The following MBNL1 variants were observed in gnomAD, a reference collection of about 807,000 sequenced individuals.
MBNL1 encodes muscleblind-like protein 1.
In MBNL1, 8 loss-of-function variants were observed where a neutral mutation model predicts 42.2. The ratio of observed to expected loss-of-function variants is 0.19; its 90% CI spans 0.11 to 0.34. MBNL1 has a LOEUF of 0.34. Ranked by LOEUF, MBNL1 falls within the 10% of genes least tolerant of loss-of-function variation. The probability of loss-of-function intolerance (pLI) is 1.00; values close to 1 mark genes in which losing one functional copy is unlikely to be tolerated. For missense variants in MBNL1, 309 were observed against 495.3 expected (o/e 0.62, Z 3.57); for synonymous variants, 169 against 173.9 (o/e 0.97, Z 0.22).
At chr3:152,397,693 A>G (rs2098032749) in intron 2 of MBNL1, among the ~76,000 whole-genome samples, 1 of 152,156 alleles carries the variant, frequency 6.6e-6, no homozygotes, top group Admixed American at 6.6e-5. Flanking sequence ...AATCTTCTTT[A>G]ATCTTTCCTT....
intron 2 of MBNL1, among the ~76,000 whole-genome samples, chr3:152,317,115 C>A (rs550043610): frequency 6.6e-6 from 1 of 151,908 alleles, no homozygotes; most frequent in Non-Finnish European, 1.5e-5. Flanking sequence ...CTTGATGGTA[C>A]CTTGGTTGTA....
chr3:152,291,183 C>G (rs1294686202), intron 1 of MBNL1, among the ~76,000 whole-genome samples: 1 of 152,050 alleles, frequency 6.6e-6, no homozygotes, highest in African/African-American at 2.4e-5. Flanking sequence ...CTCATTATAC[C>G]TTCTTGTAGA....
chr3:152,307,932 G>A (rs1257403207), intron 2 of MBNL1, among the ~76,000 whole-genome samples: 1 of 152,124 alleles, frequency 6.6e-6, no homozygotes, highest in East Asian at 1.9e-4. Context: ...AAAGAATGCT[G>A]CCACCAACTT....
At chr3:152,259,648 G>T (rs2035947906) in intron 2 of MBNL1, among the ~76,000 whole-genome samples, 1 of 152,190 alleles carries the variant, frequency 6.6e-6, no homozygotes, top group Admixed American at 6.5e-5. Flanking sequence ...CAAGAGCATA[G>T]TACTAATGAT....
rs1225495457 is a variant in MBNL1 at position 152,462,995 on chromosome 3, G to A, written c.*629G>A. On this transcript the variant is annotated 3_prime_UTR_variant, in exon 10 of 10. Coordinates refer to ENST00000324210, the MANE Select transcript of MBNL1 (RefSeq NM_021038.5). ...TGTGTATATTTTAAAGCACATCATG[G>A]CTTTAAGTACCATGTTGTTAAGGAT... 6.6e-6 allele frequency: 1 copy of A among 152,438 alleles called. No individual in the cohort carries two copies. The highest frequency in any genetic ancestry group is 1.5e-5 in the Non-Finnish European group (1 of 67,950). The allele number at this position is 152,438 out of a possible 1,614,324, so 9.4% of individuals were successfully genotyped here.
chr3:152,323,306 T>C lies in MBNL1; in HGVS notation c.174+22939T>C, dbSNP rs113033074. On this transcript the variant is annotated intron_variant, in intron 2 of 9. Coordinates refer to ENST00000324210, the MANE Select transcript of MBNL1 (RefSeq NM_021038.5). ...TATAAAATTCATTTAACTAGACTTA[T>C]TCATTCAACAATATTGTTAAATAAC... Among the ~76,000 whole-genome samples the C allele has an allele frequency of 5.7e-3, 875 of 152,220 alleles. 7 individuals carry two copies. Among genetic ancestry groups the C allele is most frequent in the Non-Finnish European group, 8.5e-3 (581 of 67,960 alleles).
chr3:152,247,809 G>GA (rs1298897832), intron 2 of MBNL1, among the ~76,000 whole-genome samples: 1 of 151,408 alleles, frequency 6.6e-6, no homozygotes, highest in Admixed American at 6.6e-5. Context: ...TATTATGGGG[G>GA]AAAATACCAG....
At chr3:152,356,948 T>C (rs1578580894) in intron 2 of MBNL1, among the ~76,000 whole-genome samples, 2 of 151,988 alleles carry the variant, frequency 1.3e-5, no homozygotes, top group South Asian at 4.2e-4. Flanking sequence ...ACCATACTTA[T>C]AATATCAAAT....
chr3:152,425,187 A>C (rs973359816), intron 3 of MBNL1, among the ~76,000 whole-genome samples: 1 of 152,136 alleles, frequency 6.6e-6, no homozygotes, highest in South Asian at 2.1e-4. Flanking sequence ...TCCAGAATCT[A>C]CAAATAACTT....
chr3:152,254,639 C>A (rs1413994845), intron 2 of MBNL1, among the ~76,000 whole-genome samples: 1 of 151,846 alleles, frequency 6.6e-6, no homozygotes, highest in Non-Finnish European at 1.5e-5. Flanking sequence ...TCTTGTACAT[C>A]CAAAATATCA....
chr3:152,455,567 T>C lies in MBNL1; in HGVS notation c.987T>C (p.Ala329=). The C allele has an allele frequency of 3.1e-6, 5 of 1,613,702 alleles. No homozygotes were observed. Among genetic ancestry groups the C allele is most frequent in the Non-Finnish European group, 8.5e-7 (1 of 1,179,660 alleles). ...GCTCAATATTGTGCATGACACCCGCTACAAGTGTTGGTAGGTGCCAGCTTT... is the reference window on the plus strand; with the variant it reads ...GCTCAATATTGTGCATGACACCCGCCACAAGTGTTGGTAGGTGCCAGCTTT... ...PPGSILCMTP[A]TSVVPMVHGA... The change falls in exon 7 of 10, where the codon GCT becomes GCC. Residue 329 remains alanine, a synonymous_variant. Transcript: ENST00000324210.
At chr3:152,334,944 C>A (rs896905438) in intron 2 of MBNL1, among the ~76,000 whole-genome samples, 1 of 152,106 alleles carries the variant, frequency 6.6e-6, no homozygotes, top group Non-Finnish European at 1.5e-5. Flanking sequence ...AAGGTGCAGA[C>A]GTACGGGCAA....
intron 4 of MBNL1, among the ~76,000 whole-genome samples, chr3:152,443,184 C>A (rs944963829): frequency 2.0e-4 from 28 of 142,360 alleles, no homozygotes; most frequent in East Asian, 4.1e-4. Flanking sequence ...GTAGAAACCC[C>A]CCCCCCCACA....
At chr3:152,433,057 T>G in intron 4 of MBNL1, 137 bp downstream of exon 4, 1 of 677,356 alleles carries the variant, frequency 1.5e-6, no homozygotes, top group Non-Finnish European at 2.5e-6. Flanking sequence ...TTGGAACATT[T>G]TACTAGAGTA....
chr3:152,342,311 T>TCC (rs2093420483), intron 2 of MBNL1, among the ~76,000 whole-genome samples: 1 of 152,166 alleles, frequency 6.6e-6, no homozygotes, highest in Admixed American at 6.6e-5. Flanking sequence ...ATTTGACCTA[T>TCC]CCTCTCTCAG....
chr3:152,358,011 G>A (rs561506451), intron 2 of MBNL1, among the ~76,000 whole-genome samples: 6 of 152,274 alleles, frequency 3.9e-5, no homozygotes, highest in South Asian at 4.1e-4. Context: ...GTGTGTGTGC[G>A]CACGCACGTG....
chr3:152,261,626 T>C (rs769887016), intron 2 of MBNL1, among the ~76,000 whole-genome samples: 1 of 151,890 alleles, frequency 6.6e-6, no homozygotes, highest in East Asian at 1.9e-4. Flanking sequence ...AGAGAGAGAG[T>C]TGCAAGGCCA....
At chr3:152,456,220 T>G (rs748620344) in intron 7 of MBNL1, 47 bp from the exon 8 acceptor site, 3 of 1,304,510 alleles carry the variant, frequency 2.3e-6, no homozygotes, top group African/African-American at 2.9e-5. Context: ...GTTTCCATAT[T>G]GCTACACTCT....
rs1464585719 is a variant in MBNL1, at chr3:152,331,454, TA to T, written c.174+31088del. 3.3e-5 allele frequency among the ~76,000 whole-genome samples: 5 copies of T among 152,316 alleles called. No individual in the cohort carries two copies. In the East Asian group the frequency reaches 9.6e-4, roughly 29 times the overall value. ...TTTTCACTTTTAGGATGCTAGTTCA[TA>T]TTCAGATGACTTAGTATTAAAGATT... On this transcript the variant is annotated intron_variant, in intron 2 of 9. Transcript: ENST00000324210.
Sources: allele counts gnomAD v4.1 joint callset (sites outside exome capture counted in the v4.1 genomes callset), GRCh38; gene constraint gnomAD v4.1.1; transcripts MANE v1.5; gene names NCBI Gene and HGNC (gene_info 2026-07-23, HGNC 2026-07-21).